CLIP1: variants seen among roughly 807,000 people sequenced by gnomAD.
CLIP1 encodes the protein CAP-Gly domain containing linker protein 1.
A neutral mutation model predicts 161.6 loss-of-function variants in CLIP1; 66 were observed. The ratio of observed to expected loss-of-function variants is 0.41; its 90% confidence interval spans 0.33 to 0.50. CLIP1 has a LOEUF of 0.50. CLIP1 is among the 20% of genes least tolerant of loss of function. The pLI is 0.27. For synonymous variants in CLIP1, 598 were observed against 626.2 expected, an observed-to-expected ratio of 0.96 and a Z score of 0.67; for missense variants, 1,376 against 1,702.0, an observed-to-expected ratio of 0.81 and a Z score of 3.37.
At chr12:122,334,245 C>A (rs551254661) in intron 13 of CLIP1, 135 bp from the exon 14 acceptor site, 127 of 640,060 alleles carry the variant, frequency 2.0e-4, no homozygotes, top group Non-Finnish European at 3.2e-4. Flanking sequence ...AGTCCCCTTA[C>A]AAATCACATG....
intron 20 of CLIP1, among the ~76,000 whole-genome samples, chr12:122,294,838 G>T (rs1324216388): frequency 6.6e-6 from 1 of 152,068 alleles, no homozygotes; most frequent in Admixed American, 6.6e-5. Flanking sequence ...CATGAGGTCA[G>T]GAGATAGAGA....
chr12:122,364,210 C>T (rs1954014351), intron 3 of CLIP1, 103 bp from the exon 4 acceptor site: 1 of 1,377,332 alleles, frequency 7.3e-7, no homozygotes, highest in African/African-American at 1.4e-5. Context: ...TCATTTCCAC[C>T]AGCAACTTCT....
At chr12:122,409,391 G>A (rs1322269295) in intron 1 of CLIP1, among the ~76,000 whole-genome samples, 1 of 152,042 alleles carries the variant, frequency 6.6e-6, no homozygotes, top group Non-Finnish European at 1.5e-5. Context: ...TTCCCAAAGT[G>A]CTGGGATTAC....
At chr12:122,336,374 A>G (rs186169154) in intron 12 of CLIP1, among the ~76,000 whole-genome samples, 6 of 151,624 alleles carry the variant, frequency 4.0e-5, no homozygotes, top group African/African-American at 1.5e-4. Context: ...AGTCAATAAC[A>G]TTTCAAAGCA....
chr12:122,387,760 A>AT (rs1349911677), intron 1 of CLIP1, among the ~76,000 whole-genome samples: 6 of 150,794 alleles, frequency 4.0e-5, no homozygotes, highest in African/African-American at 7.3e-5. Flanking sequence ...CCAAATTTTT[A>AT]TTTTTTTGTA....
At chr12:122,370,625 T>A (rs1385488702) in intron 3 of CLIP1, among the ~76,000 whole-genome samples, 1 of 152,180 alleles carries the variant, frequency 6.6e-6, no homozygotes, top group Non-Finnish European at 1.5e-5. Flanking sequence ...ATATAACAGA[T>A]ACCCTCTTGT....
intron 20 of CLIP1, among the ~76,000 whole-genome samples, chr12:122,294,288 C>T (rs1950379595): frequency 7.2e-6 from 1 of 138,012 alleles, no homozygotes. Flanking sequence ...GAGATGGCGC[C>T]ACTGCACTCC....
rs57202144 is a variant in CLIP1, at chr12:122,341,762, CTTTTTTTTTTTTTTTTTTTT to C, written c.1507-85_1507-66del. 654 of 98,602 alleles carry C rather than the reference CTTTTTTTTTTTTTTTTTTTT, an allele frequency of 6.6e-3. 9 individuals carry two copies. The highest frequency in any genetic ancestry group is 0.017 in the African/African-American group (339 of 20,526). The allele number at this position is 98,602 out of a possible 1,614,324, so 6.1% of individuals were successfully genotyped here. On this transcript the variant is annotated intron_variant, in intron 10 of 25. Transcript: ENST00000620786. ...AACAAGTCATTGACTATTTTCTTTT[CTTTTTTTTTTTTTTTTTTTT>C]TTTTTTTTTTTTTTTTTTGAGATGG...
At chr12:122,274,255 C>T (rs1314226549) in intron 24 of CLIP1, 93 bp from the exon 25 acceptor site, 15 of 1,126,584 alleles carry the variant, frequency 1.3e-5, no homozygotes, top group East Asian at 5.0e-5. Flanking sequence ...TAAGCTCTGG[C>T]GGCAAAGTGT....
intron 20 of CLIP1, among the ~76,000 whole-genome samples, chr12:122,294,328 C>CA (rs59785886): frequency 0.44 from 37,016 of 83,662 alleles, 8,172 homozygotes; most frequent in East Asian, 0.67. Context: ...GACTCTGTCT[C>CA]AAAAAAAAAA....
Position 122,309,894 on chromosome 12 carries a change from G to C in CLIP1, c.3474-12C>G. On this transcript the variant is annotated splice_polypyrimidine_tract_variant and intron_variant, in intron 19 of 25. Transcript: ENST00000620786. ...GCTTTAGGGTTTCTCTGCAAGGACA[G>C]TGAGTGCAGGGTTACCATAGAAACA... 1 of 1,613,790 alleles carries C rather than the reference G, an allele frequency of 6.2e-7. No individual in the cohort carries two copies. Among genetic ancestry groups the C allele is most frequent in the Non-Finnish European group, 8.5e-7 (1 of 1,179,936 alleles).
At chr12:122,390,007 G>A (rs188484545) in intron 1 of CLIP1, among the ~76,000 whole-genome samples, 5 of 148,578 alleles carry the variant, frequency 3.4e-5, no homozygotes, top group South Asian at 2.1e-4. Flanking sequence ...TCTCTTTCTC[G>A]CTTCTGGAAC....
chr12:122,313,936 C>A (rs1225974368), intron 19 of CLIP1, among the ~76,000 whole-genome samples: 1 of 151,990 alleles, frequency 6.6e-6, no homozygotes, highest in East Asian at 1.9e-4. Context: ...GCGGGCAGAT[C>A]ATTTGAGGCC....
At chr12:122,335,794 A>G (rs756231012) in intron 12 of CLIP1, among the ~76,000 whole-genome samples, 1 of 151,610 alleles carries the variant, frequency 6.6e-6, no homozygotes, top group Non-Finnish European at 1.5e-5. Context: ...GCAACAGAAC[A>G]AGACTCTGTC....
At chr12:122,385,227 G>A (rs185631910) in intron 1 of CLIP1, among the ~76,000 whole-genome samples, 153 of 152,104 alleles carry the variant, frequency 1.0e-3, no homozygotes, top group African/African-American at 3.5e-3. Context: ...CACCGCACAC[G>A]GCCGATGGTA....
chr12:122,347,235 C>A, intron 10 of CLIP1, 140 bp downstream of exon 10: 1 of 564,438 alleles, frequency 1.8e-6, no homozygotes, highest in East Asian at 2.6e-5. Flanking sequence ...AGTCTCAGCT[C>A]ACAAACACCT....
chr12:122,380,289 T>C (rs1391908641), intron 2 of CLIP1, 79 bp downstream of exon 2: 1 of 867,398 alleles, frequency 1.2e-6, no homozygotes, highest in Non-Finnish European at 1.8e-6. Context: ...TATGAACAGA[T>C]ATAAAATAAT....
intron 23 of CLIP1, 104 bp downstream of exon 23, chr12:122,278,688 G>A: frequency 8.2e-7 from 1 of 1,222,788 alleles, no homozygotes. Context: ...GGAGAGTCAG[G>A]GTCAGGGCAG....
intron 1 of CLIP1, among the ~76,000 whole-genome samples, chr12:122,397,968 A>C (rs972094705): frequency 3.3e-5 from 5 of 151,402 alleles, no homozygotes; most frequent in African/African-American, 1.2e-4. Context: ...AAAAAACAAA[A>C]AAAAAAGAAA....
Sources: allele counts gnomAD v4.1 joint callset (sites outside exome capture counted in the v4.1 genomes callset), GRCh38; gene constraint gnomAD v4.1.1; transcripts MANE v1.5; gene names NCBI Gene and HGNC (gene_info 2026-07-23, HGNC 2026-07-21).